NTM: variants seen among roughly 807,000 people sequenced by gnomAD.
NTM encodes IgLON family member 2.
In NTM, 13 loss-of-function variants were observed where a neutral mutation model predicts 42.1. The observed-to-expected ratio is 0.31, with a 90% confidence interval of 0.20 to 0.49. The LOEUF (loss-of-function observed/expected upper bound fraction) is 0.49. Ranked by LOEUF, NTM falls within the 20% of genes least tolerant of loss-of-function variation. The probability of loss-of-function intolerance (pLI) is 0.99; values close to 1 mark genes in which losing one functional copy is unlikely to be tolerated. For synonymous variants in NTM, 187 were observed against 179.2 expected (o/e 1.04, Z -0.35); for missense variants, 373 against 452.8 (o/e 0.82, Z 1.60).
At chr11:131,386,909 C>T (rs117996730) in intron 1 of NTM, among the ~76,000 whole-genome samples, 544 of 152,324 alleles carry the variant, frequency 3.6e-3, no homozygotes, top group Non-Finnish European at 5.1e-3. Context: ...CCAAACATAT[C>T]CAGAGCTCAC....
At chr11:131,463,637 CATT>C (rs1951615051) in intron 1 of NTM, among the ~76,000 whole-genome samples, 1 of 152,336 alleles carries the variant, frequency 6.6e-6, no homozygotes, top group Admixed American at 6.5e-5. Flanking sequence ...ATTTATTATG[CATT>C]ATTATTACTG....
At chr11:132,097,182 C>T (rs1010069253) in intron 2 of NTM, among the ~76,000 whole-genome samples, 4 of 152,194 alleles carry the variant, frequency 2.6e-5, no homozygotes, top group African/African-American at 9.7e-5. Context: ...CTTCCTTCTG[C>T]AGGTTCAGAA....
In NTM at chr11:131,800,708, C is replaced by T. The variant is rs1591950661; in HGVS notation, c.83-110856C>T. Among the ~76,000 whole-genome samples the T allele has an allele frequency of 2.6e-5, 4 of 152,224 alleles. No individual in the cohort carries two copies. In the South Asian group the frequency reaches 8.3e-4, roughly 32 times the overall value. On this transcript the variant is annotated intron_variant, in intron 1 of 8. Transcript: ENST00000683400. The stretch of plus-strand genomic sequence containing the variant: ...GTTCCATCCTCTTCCTTCTCCCCCG[C>T]TCTATGGTTGCAAGGAGATTTCAAG...
chr11:131,713,743 A>AT (rs1286959863), intron 1 of NTM, among the ~76,000 whole-genome samples: 45 of 152,284 alleles, frequency 3.0e-4, no homozygotes, highest in African/African-American at 1.0e-3. Context: ...AGCAACCTCA[A>AT]TTTTTGCCTC....
At chr11:131,858,262 A>G (rs2046299320) in intron 1 of NTM, among the ~76,000 whole-genome samples, 1 of 152,092 alleles carries the variant, frequency 6.6e-6, no homozygotes, top group African/African-American at 2.4e-5. Flanking sequence ...GCTTCTATGA[A>G]TAGGCCAGGA....
chr11:131,789,547 AAAGAAGAAGAAGAAGAAGAAGAAG>A (rs71067336), intron 1 of NTM, among the ~76,000 whole-genome samples: 11 of 5,112 alleles, frequency 2.2e-3, no homozygotes, highest in African/African-American at 8.6e-3. Flanking sequence ...AAGAAGAAGA[AAAGAAGAAGAAGAAGAAGAAGAAG>A]AAGAAGAAGA....
chr11:131,438,480 C>T (rs1435271441), intron 1 of NTM, among the ~76,000 whole-genome samples: 1 of 152,148 alleles, frequency 6.6e-6, no homozygotes, highest in East Asian at 1.9e-4. Flanking sequence ...TTGTTCGTTT[C>T]CTTTTACTCT....
At chr11:131,952,415 G>C (rs1395674745) in intron 2 of NTM, among the ~76,000 whole-genome samples, 1 of 152,128 alleles carries the variant, frequency 6.6e-6, no homozygotes, top group African/African-American at 2.4e-5. Flanking sequence ...ATATGTACAT[G>C]CACGTATGTA....
At chr11:132,257,467 G>A (rs114500501) in intron 4 of NTM, among the ~76,000 whole-genome samples, 1,570 of 152,262 alleles carry the variant, frequency 0.01, 31 homozygotes, top group African/African-American at 0.034. Flanking sequence ...AAGAGCTAAC[G>A]GCATCTGTCC....
chr11:131,694,060 T>C (rs1304063692), intron 1 of NTM, among the ~76,000 whole-genome samples: 1 of 152,194 alleles, frequency 6.6e-6, no homozygotes, highest in Non-Finnish European at 1.5e-5. Flanking sequence ...ACTTTCGTTT[T>C]CTCCTCTGTC....
chr11:131,636,944 C>T (rs1203291431), intron 1 of NTM, among the ~76,000 whole-genome samples: 2 of 152,094 alleles, frequency 1.3e-5, no homozygotes, highest in African/African-American at 2.4e-5. Context: ...TGGTGGCTTC[C>T]GCTCAGGAAT....
intron 1 of NTM, among the ~76,000 whole-genome samples, chr11:131,652,096 T>TTAA (rs757764486): frequency 1.8e-4 from 8 of 43,596 alleles, no homozygotes; most frequent in Non-Finnish European, 3.8e-4. Context: ...GACTTATGAG[T>TTAA]TAACTTGTGA....
intron 2 of NTM, among the ~76,000 whole-genome samples, chr11:132,000,560 C>A (rs1483471576): frequency 6.6e-6 from 1 of 152,120 alleles, no homozygotes; most frequent in Non-Finnish European, 1.5e-5. Flanking sequence ...ATTATGTGCC[C>A]CTCTATCCCA....
chr11:131,498,777 G>A (rs1235457868), intron 1 of NTM, among the ~76,000 whole-genome samples: 3 of 152,218 alleles, frequency 2.0e-5, no homozygotes, highest in Admixed American at 1.3e-4. Context: ...GCTGCCAGGA[G>A]GGGGTGGCCA....
chr11:131,874,708 C>A (rs1264313475), intron 1 of NTM, among the ~76,000 whole-genome samples: 1 of 152,122 alleles, frequency 6.6e-6, no homozygotes, highest in African/African-American at 2.4e-5. Context: ...TAAACTAGTT[C>A]ATCTAAATGT....
rs150795065 is a variant in NTM at position 132,294,325 on chromosome 11, A to G, written c.527-13364A>G. On this transcript the variant is annotated intron_variant, in intron 4 of 8. Transcript: ENST00000683400. ...CCTCATTCCTTCATCCCAGTTTTTTATCAGCTGCTAACTCCATTGGTTAAT... is the reference window on the plus strand; with the variant it reads ...CCTCATTCCTTCATCCCAGTTTTTTGTCAGCTGCTAACTCCATTGGTTAAT... Among the ~76,000 whole-genome samples the G allele has an allele frequency of 5.8e-3, 886 of 151,642 alleles. 13 individuals are homozygous for G. The highest frequency in any genetic ancestry group is 0.02 in the African/African-American group (836 of 41,290).
chr11:131,524,864 C>T (rs954979576), intron 1 of NTM, among the ~76,000 whole-genome samples: 2 of 152,156 alleles, frequency 1.3e-5, no homozygotes, highest in Non-Finnish European at 2.9e-5. Context: ...ACTCTTTGGG[C>T]CCTTGGTTTC....
At chr11:131,954,340 G>A (rs887494509) in intron 2 of NTM, among the ~76,000 whole-genome samples, 4 of 152,204 alleles carry the variant, frequency 2.6e-5, no homozygotes, top group South Asian at 2.1e-4. Context: ...GGTGACTGTC[G>A]CTGCTTGGTG....
At chr11:131,987,378 C>CCTATTTTATTCTATT (rs1555206526) in intron 2 of NTM, among the ~76,000 whole-genome samples, 50 of 147,914 alleles carry the variant, frequency 3.4e-4, no homozygotes, top group African/African-American at 1.3e-3. Flanking sequence ...TCCTATTCCT[C>CCTATTTTATTCTATT]CTATTCTATT....
Sources: allele counts gnomAD v4.1 joint callset (sites outside exome capture counted in the v4.1 genomes callset), GRCh38; gene constraint gnomAD v4.1.1; transcripts MANE v1.5; gene names NCBI Gene and HGNC (gene_info 2026-07-23, HGNC 2026-07-21).